The following FMN2 variants were observed in gnomAD, a reference collection of about 807,000 sequenced individuals.
FMN2 encodes the protein formin 2.
In FMN2, 51 loss-of-function variants were observed where a neutral mutation model predicts 142.3. The observed-to-expected ratio is 0.36, with a 90% CI of 0.29 to 0.45. The LOEUF (loss-of-function observed/expected upper bound fraction) is 0.45, where lower values mean the gene tolerates loss of function less well. Ranked by LOEUF, FMN2 falls within the 20% of genes least tolerant of loss-of-function variation. The pLI is 1.00. For synonymous variants in FMN2, 882 were observed against 869.8 expected (o/e 1.01, Z -0.25); for missense variants, 1,936 against 2,122.8 (o/e 0.91, Z 1.73).
intron 1 of FMN2, among the ~76,000 whole-genome samples, chr1:240,116,427 G>C (rs553325716): frequency 6.6e-6 from 1 of 152,194 alleles, no homozygotes; most frequent in Non-Finnish European, 1.5e-5. Context: ...GAAGCACTCC[G>C]ACATTGCCGT....
intron 15 of FMN2, among the ~76,000 whole-genome samples, chr1:240,433,694 C>G (rs1306232062): frequency 1.3e-5 from 2 of 152,170 alleles, no homozygotes; most frequent in African/African-American, 4.8e-5. Context: ...CAGGTTAGCC[C>G]TGACCCTTTT....
intron 7 of FMN2, among the ~76,000 whole-genome samples, chr1:240,277,768 C>G (rs1231252243): frequency 6.6e-6 from 1 of 151,892 alleles, no homozygotes; most frequent in African/African-American, 2.4e-5. Flanking sequence ...CTCCCGACCT[C>G]AAGTGATCCG....
chr1:240,404,353 C>T (rs1241723999), intron 15 of FMN2, among the ~76,000 whole-genome samples: 2 of 152,154 alleles, frequency 1.3e-5, no homozygotes, highest in Admixed American at 6.5e-5. Flanking sequence ...GAGTAACTAT[C>T]CGGAGATGAA....
intron 1 of FMN2, among the ~76,000 whole-genome samples, chr1:240,116,791 C>T (rs1662041562): frequency 1.3e-5 from 2 of 151,892 alleles, no homozygotes; most frequent in Admixed American, 6.6e-5. Flanking sequence ...GTTATTGATA[C>T]CATGCTGCCC....
At chr1:240,341,006 C>A (rs1210518265) in intron 13 of FMN2, among the ~76,000 whole-genome samples, 2 of 152,082 alleles carry the variant, frequency 1.3e-5, no homozygotes, top group Non-Finnish European at 2.9e-5. Context: ...TAATCTAATC[C>A]CCATGTCTCT....
chr1:240,215,039 C>G (rs1420782961), intron 6 of FMN2, among the ~76,000 whole-genome samples: 1 of 152,062 alleles, frequency 6.6e-6, no homozygotes, highest in Non-Finnish European at 1.5e-5. Context: ...TGCACTCCAG[C>G]CAGGGTGACA....
intron 6 of FMN2, among the ~76,000 whole-genome samples, chr1:240,227,396 T>C (rs1044442855): frequency 9.9e-5 from 15 of 151,654 alleles, no homozygotes; most frequent in African/African-American, 3.4e-4. Flanking sequence ...CAACACAGTG[T>C]CTAGCAACAT....
At chr1:240,099,561 C>T (rs1661342674) in intron 1 of FMN2, among the ~76,000 whole-genome samples, 1 of 152,130 alleles carries the variant, frequency 6.6e-6, no homozygotes, top group African/African-American at 2.4e-5. Context: ...GACTTTGCAG[C>T]TTTACCTTCC....
chr1:240,245,578 T>G (rs890561749), intron 6 of FMN2: 1 of 471,130 alleles, frequency 2.1e-6, no homozygotes, highest in East Asian at 6.9e-5. Context: ...AAGTGTCTGG[T>G]TTTTTTATGG....
chr1:240,291,701 G>C (rs560461244), intron 7 of FMN2, among the ~76,000 whole-genome samples: 1 of 152,232 alleles, frequency 6.6e-6, no homozygotes, highest in African/African-American at 2.4e-5. Flanking sequence ...TTCAGGTAAA[G>C]GTTCCATCCC....
At chr1:240,119,125 C>T (rs772461535) in intron 1 of FMN2, among the ~76,000 whole-genome samples, 21 of 151,914 alleles carry the variant, frequency 1.4e-4, no homozygotes, top group African/African-American at 4.1e-4. Context: ...GTCAGGAGTT[C>T]GAGACCAGCC....
At chr1:240,436,867 A>C (rs191830723) in intron 15 of FMN2, among the ~76,000 whole-genome samples, 1 of 152,256 alleles carries the variant, frequency 6.6e-6, no homozygotes, top group East Asian at 1.9e-4. Flanking sequence ...TTTCTACTTC[A>C]GAGTAGATCA....
At chr1:240,272,367 T>A (rs1246292091) in intron 7 of FMN2, among the ~76,000 whole-genome samples, 3 of 140,336 alleles carry the variant, frequency 2.1e-5, no homozygotes, top group Non-Finnish European at 4.7e-5. Flanking sequence ...AAGGTGTGGT[T>A]TTTGCAAAAA....
At chr1:240,104,547 GC>G (rs1158991307) in intron 1 of FMN2, among the ~76,000 whole-genome samples, 1 of 152,086 alleles carries the variant, frequency 6.6e-6, no homozygotes, top group African/African-American at 2.4e-5. Flanking sequence ...ATACAGAACT[GC>G]TTTTATCTAT....
chr1:240,139,968 T>G (rs978151084), intron 2 of FMN2, among the ~76,000 whole-genome samples: 3 of 152,162 alleles, frequency 2.0e-5, no homozygotes, highest in Admixed American at 6.5e-5. Context: ...GTCTGGAGGC[T>G]GAGGGGGTTC....
chr1:240,226,856 G>A (rs552263123), intron 6 of FMN2, among the ~76,000 whole-genome samples: 1 of 151,776 alleles, frequency 6.6e-6, no homozygotes, highest in East Asian at 1.9e-4. Flanking sequence ...ACACAAATGG[G>A]ACTAGAAGGG....
intron 8 of FMN2, among the ~76,000 whole-genome samples, chr1:240,297,372 G>A (rs1670022024): frequency 6.6e-6 from 1 of 151,980 alleles, no homozygotes; most frequent in African/African-American, 2.4e-5. Flanking sequence ...AAGGCGGGAG[G>A]ATCACGAGGT....
intron 15 of FMN2, among the ~76,000 whole-genome samples, chr1:240,410,361 T>C (rs1345802591): frequency 6.6e-6 from 1 of 152,136 alleles, no homozygotes; most frequent in African/African-American, 2.4e-5. Flanking sequence ...ATCTGAAAAA[T>C]TGAAAATCAG....
At chr1:240,468,560 C>G (rs1425058215) in intron 16 of FMN2, among the ~76,000 whole-genome samples, 1 of 152,152 alleles carries the variant, frequency 6.6e-6, no homozygotes, top group Admixed American at 6.5e-5. Flanking sequence ...TTTTTACTTT[C>G]TCCTCCTTCC....
Sources: allele counts gnomAD v4.1 joint callset (sites outside exome capture counted in the v4.1 genomes callset), GRCh38; gene constraint gnomAD v4.1.1; transcripts MANE v1.5; gene names NCBI Gene and HGNC (gene_info 2026-07-23, HGNC 2026-07-21).